Variants in CSMD1 observed in about 807,000 individuals in gnomAD.
The protein encoded by CSMD1 is CUB and sushi domain-containing protein 1.
Under a neutral mutation model 417.5 loss-of-function variants are expected in CSMD1, and 213 were observed. That is an observed-to-expected ratio of 0.51 (90% CI 0.46 to 0.57). The LOEUF is 0.57. CSMD1 is among the 20% of genes least tolerant of loss of function. The pLI, the probability that CSMD1 is intolerant of heterozygous loss-of-function variation, is 0.00. For synonymous variants in CSMD1, 2,862 were observed against 1,736.8 expected (o/e 1.65, Z -16.11); for missense variants, 6,923 against 4,529.7 (o/e 1.53, Z -15.17).
intron 1 of CSMD1, among the ~76,000 whole-genome samples, chr8:4,923,942 C>A (rs1209587351): frequency 6.6e-6 from 1 of 152,192 alleles, no homozygotes; most frequent in African/African-American, 2.4e-5. Context: ...AGTAGCTTAG[C>A]AAGCTATTCT....
intron 12 of CSMD1, among the ~76,000 whole-genome samples, chr8:3,428,271 A>G (rs1023757033): frequency 1.3e-5 from 2 of 151,948 alleles, no homozygotes. Flanking sequence ...ACTTTAGAAA[A>G]CAAACAAACG....
intron 3 of CSMD1, among the ~76,000 whole-genome samples, chr8:4,196,741 C>T (rs1563257128): frequency 6.6e-6 from 1 of 152,144 alleles, no homozygotes; most frequent in Non-Finnish European, 1.5e-5. Context: ...TGGTCTCTAT[C>T]TCAAGACCCT....
intron 11 of CSMD1, among the ~76,000 whole-genome samples, chr8:3,484,377 G>A (rs1585233367): frequency 1.3e-5 from 2 of 152,300 alleles, no homozygotes; most frequent in South Asian, 2.1e-4. Context: ...TTGGATACAC[G>A]AACTGCCAGG....
At chr8:3,350,076 T>TTATAATACC (rs1808310237) in intron 21 of CSMD1, among the ~76,000 whole-genome samples, 1 of 140,980 alleles carries the variant, frequency 7.1e-6, no homozygotes, top group East Asian at 2.1e-4. Context: ...TATGTGTGTG[T>TTATAATACC]TATAATACCT....
chr8:2,952,952 G>C (rs1037067434), intron 65 of CSMD1, among the ~76,000 whole-genome samples: 14 of 152,262 alleles, frequency 9.2e-5, no homozygotes, highest in Admixed American at 7.8e-4. Flanking sequence ...ACATAGCTGA[G>C]CTGTACTAGA....
chr8:3,386,337 T>C (rs117187244), intron 18 of CSMD1, among the ~76,000 whole-genome samples: 3,602 of 152,170 alleles, frequency 0.024, 273 homozygotes, highest in East Asian at 0.22. Flanking sequence ...GACGCCGAAC[T>C]CGACTCCCAC....
intron 2 of CSMD1, among the ~76,000 whole-genome samples, chr8:4,608,108 A>C (rs2130783308): frequency 6.6e-6 from 1 of 152,290 alleles, no homozygotes; most frequent in East Asian, 1.9e-4. Flanking sequence ...CAACAAGGTG[A>C]CCAGTGTCCC....
At chr8:3,678,059 A>C (rs1228023593) in intron 7 of CSMD1, among the ~76,000 whole-genome samples, 1 of 152,158 alleles carries the variant, frequency 6.6e-6, no homozygotes, top group Non-Finnish European at 1.5e-5. Context: ...AGGGTGGTTC[A>C]AAGATGGCTG....
chr8:4,327,427 A>C (rs914267980), intron 3 of CSMD1, among the ~76,000 whole-genome samples: 10 of 152,180 alleles, frequency 6.6e-5, no homozygotes, highest in Admixed American at 1.3e-4. Flanking sequence ...ACACTGGCAC[A>C]ATCAGTCGGA....
At chr8:3,858,645 T>A (rs1804477216) in intron 5 of CSMD1, among the ~76,000 whole-genome samples, 1 of 150,984 alleles carries the variant, frequency 6.6e-6, no homozygotes. Flanking sequence ...TTTCTATGTA[T>A]TTAATGCTGT....
At position 3,896,685 on chromosome 8, in the gene CSMD1, T is replaced by C. The variant is rs530869523; in HGVS notation, c.818+101218A>G. Among the ~76,000 whole-genome samples the C allele has an allele frequency of 4.3e-4, 66 of 152,072 alleles. 1 individual carries two copies. Among genetic ancestry groups the C allele is most frequent in the East Asian group, 3.1e-3 (16 of 5,146 alleles). On this transcript the variant is annotated intron_variant, in intron 5 of 69. Transcript: ENST00000635120. Reference sequence around the variant, plus strand: ...CGCCACCACACTGGCTAATTTTTCTTATTTTTATTGGAGACGGGATTTCAC... The same window carrying C: ...CGCCACCACACTGGCTAATTTTTCTCATTTTTATTGGAGACGGGATTTCAC...
At chr8:4,548,844 G>A (rs1405812676) in intron 2 of CSMD1, among the ~76,000 whole-genome samples, 2 of 152,038 alleles carry the variant, frequency 1.3e-5, no homozygotes, top group South Asian at 2.1e-4. Flanking sequence ...GTCTTGGGGG[G>A]ACATGTGATG....
intron 3 of CSMD1, among the ~76,000 whole-genome samples, chr8:4,389,513 T>C (rs1050193523): frequency 7.2e-5 from 11 of 152,132 alleles, no homozygotes; most frequent in Admixed American, 3.9e-4. Context: ...CAAAGGATAA[T>C]ATATCAGTCA....
intron 1 of CSMD1, among the ~76,000 whole-genome samples, chr8:4,673,607 G>C (rs1249065275): frequency 6.6e-6 from 1 of 152,122 alleles, no homozygotes; most frequent in African/African-American, 2.4e-5. Context: ...GCAATTCACA[G>C]ACTACCTCTA....
chr8:4,152,073 G>C (rs544887164), intron 3 of CSMD1, among the ~76,000 whole-genome samples: 2 of 152,060 alleles, frequency 1.3e-5, no homozygotes, highest in South Asian at 2.1e-4. Flanking sequence ...CCTTTATTAA[G>C]AACTTTCCCA....
At chr8:3,240,762 T>G (rs1799444762) in intron 26 of CSMD1, among the ~76,000 whole-genome samples, 1 of 152,076 alleles carries the variant, frequency 6.6e-6, no homozygotes, top group Non-Finnish European at 1.5e-5. Flanking sequence ...TATATGGGTT[T>G]GGCACCACTG....
chr8:3,232,420 G>C (rs754262048), intron 26 of CSMD1, among the ~76,000 whole-genome samples: 4 of 152,048 alleles, frequency 2.6e-5, no homozygotes, highest in Non-Finnish European at 4.4e-5. Context: ...ATGATGCTCT[G>C]GTCTACTCAT....
chr8:4,884,421 T>C (rs1412517880), intron 1 of CSMD1, among the ~76,000 whole-genome samples: 1 of 152,172 alleles, frequency 6.6e-6, no homozygotes, highest in Admixed American at 6.5e-5. Context: ...TTGTTGCTTG[T>C]GCTTTTGCTT....
At chr8:3,558,378 T>C (rs1228977884) in intron 10 of CSMD1, among the ~76,000 whole-genome samples, 1 of 143,926 alleles carries the variant, frequency 6.9e-6, no homozygotes, top group East Asian at 2.0e-4. Context: ...GGTGCCTCAG[T>C]AGTACCCCGT....
Sources: gnomAD v4.1 joint callset for allele counts (sites outside exome capture counted in the v4.1 genomes callset) on GRCh38, gnomAD v4.1.1 for gene constraint, MANE v1.5 for transcripts, NCBI Gene and HGNC (gene_info 2026-07-23, HGNC 2026-07-21) for gene names.